Variants in TRPM3 observed in about 807,000 individuals in gnomAD.
TRPM3 encodes long transient receptor potential channel 3.
Under a neutral mutation model 181.2 loss-of-function variants are expected in TRPM3, and 77 were observed. The ratio of observed to expected loss-of-function variants is 0.42; its 90% CI spans 0.35 to 0.51. The LOEUF is 0.51. Among genes scored for constraint, TRPM3 ranks in the 20% least tolerant of loss-of-function variants. TRPM3 has a pLI of 0.01. For missense variants in TRPM3, 1,759 were observed against 2,196.7 expected, an observed-to-expected ratio of 0.80 and a Z score of 3.98; for synonymous variants, 745 against 796.4, an observed-to-expected ratio of 0.94 and a Z score of 1.09.
At chr9:70,994,203 T>C (rs1554793467) in intron 1 of TRPM3, among the ~76,000 whole-genome samples, 1 of 152,188 alleles carries the variant, frequency 6.6e-6, no homozygotes, top group Non-Finnish European at 1.5e-5. Flanking sequence ...CAAACTTCAC[T>C]GATAAAATAA....
At chr9:71,067,672 G>A (rs2062111078) in intron 1 of TRPM3, among the ~76,000 whole-genome samples, 1 of 152,200 alleles carries the variant, frequency 6.6e-6, no homozygotes, top group Admixed American at 6.5e-5. Context: ...ACTTAGGACA[G>A]TGGTTAGCAT....
chr9:70,687,694 T>C (rs1159629828), intron 8 of TRPM3, among the ~76,000 whole-genome samples: 1 of 152,234 alleles, frequency 6.6e-6, no homozygotes, highest in Non-Finnish European at 1.5e-5. Context: ...TCCCCTTTTC[T>C]CCATCCCACC....
chr9:70,950,176 T>C (rs1395629597), intron 1 of TRPM3, among the ~76,000 whole-genome samples: 1 of 152,200 alleles, frequency 6.6e-6, no homozygotes, highest in African/African-American at 2.4e-5. Context: ...CTGCCTTATT[T>C]AACAATTTAG....
chr9:70,842,428 A>G (rs1167722966), intron 5 of TRPM3, among the ~76,000 whole-genome samples: 1 of 152,200 alleles, frequency 6.6e-6, no homozygotes, highest in Non-Finnish European at 1.5e-5. Context: ...GGATTAAAAT[A>G]AGATGGTTGC....
intron 1 of TRPM3, among the ~76,000 whole-genome samples, chr9:70,868,159 T>C (rs2095694614): frequency 6.6e-6 from 1 of 152,026 alleles, no homozygotes; most frequent in Admixed American, 6.6e-5. Flanking sequence ...CTCTGTATAT[T>C]CTTTTCTAAA....
intron 1 of TRPM3, among the ~76,000 whole-genome samples, chr9:70,900,713 A>G (rs2096372501): frequency 6.6e-6 from 1 of 152,146 alleles, no homozygotes; most frequent in Non-Finnish European, 1.5e-5. Context: ...CAACCTGACT[A>G]TAAGACAGCA....
chr9:70,772,474 A>C (rs2080498688), intron 7 of TRPM3, among the ~76,000 whole-genome samples: 1 of 151,908 alleles, frequency 6.6e-6, no homozygotes, highest in African/African-American at 2.4e-5. Context: ...CTGAGATGCC[A>C]CCACACCTGG....
chr9:71,305,784 T>G (rs2087241560), intron 1 of TRPM3, among the ~76,000 whole-genome samples: 1 of 152,156 alleles, frequency 6.6e-6, no homozygotes, highest in Non-Finnish European at 1.5e-5. Context: ...AGTATTGACT[T>G]GCTTTCTCTT....
Position 71,263,067 on chromosome 9 carries a change from A to C in TRPM3, c.183+183586T>G, listed in dbSNP as rs200583900. Among the ~76,000 whole-genome samples, 5 of 152,312 alleles carry C rather than the reference A, an allele frequency of 3.3e-5. No homozygotes were observed. The East Asian group carries it at 5.8e-4, about 18-fold the overall frequency. On this transcript the variant is annotated intron_variant, in intron 1 of 24. Transcript: ENST00000357533. ...CAAACATGACGATGGCTTTAAGGCA[A>C]ATTGGAAAAACTAAAAATAACTAAT...
rs2040591058 is a variant in TRPM3, at chr9:70,529,601, G to A, written c.*6352C>T. The A allele has an allele frequency of 6.6e-6, 1 of 152,152 alleles. No individual in the cohort carries two copies. Among genetic ancestry groups the A allele is most frequent in the Admixed American group, 6.5e-5 (1 of 15,272 alleles). The allele number at this position is 152,152 out of a possible 1,614,324, so 9.4% of individuals were successfully genotyped here. ...TGAATCTCTCTCACAAAGACTCTGT[G>A]TTCAAGTTTAGAATTATGTGGCTAA... On this transcript the variant is annotated 3_prime_UTR_variant, in exon 26 of 26. Transcript: ENST00000677713.
intron 22 of TRPM3, among the ~76,000 whole-genome samples, chr9:70,556,615 G>T (rs1040267121): frequency 2.0e-5 from 3 of 152,120 alleles, no homozygotes; most frequent in African/African-American, 7.2e-5. Context: ...ACAGCTACTT[G>T]GGAGGCTGAG....
At chr9:70,805,451 G>A (rs954198157) in intron 6 of TRPM3, among the ~76,000 whole-genome samples, 1 of 150,080 alleles carries the variant, frequency 6.7e-6, no homozygotes, top group Non-Finnish European at 1.5e-5. Flanking sequence ...GGAGAATGGC[G>A]TGAACCCGGG....
At chr9:70,738,831 T>G (rs1413094388) in intron 8 of TRPM3, among the ~76,000 whole-genome samples, 1 of 152,096 alleles carries the variant, frequency 6.6e-6, no homozygotes, top group Non-Finnish European at 1.5e-5. Flanking sequence ...AAAAGATCAT[T>G]CAAGGCTACA....
intron 1 of TRPM3, among the ~76,000 whole-genome samples, chr9:71,164,184 C>T (rs1172335066): frequency 6.6e-6 from 1 of 152,188 alleles, no homozygotes; most frequent in African/African-American, 2.4e-5. Flanking sequence ...GGCTGGACAA[C>T]CACTTCATTT....
intron 6 of TRPM3, among the ~76,000 whole-genome samples, chr9:70,800,093 T>C (rs188968475): frequency 1.3e-5 from 2 of 152,344 alleles, no homozygotes; most frequent in East Asian, 3.9e-4. Context: ...ATGAACTATT[T>C]TTTTCAAGTA....
chr9:70,769,106 T>C (rs1425371067), intron 7 of TRPM3, among the ~76,000 whole-genome samples: 1 of 152,170 alleles, frequency 6.6e-6, no homozygotes, highest in East Asian at 1.9e-4. Context: ...AGAGCAGACA[T>C]GATTCTATTG....
chr9:71,065,811 A>T (rs1176200782), intron 1 of TRPM3, among the ~76,000 whole-genome samples: 1 of 152,178 alleles, frequency 6.6e-6, no homozygotes, highest in Admixed American at 6.5e-5. Context: ...ACACTTTCTT[A>T]TCAGCTTTCT....
intron 1 of TRPM3, among the ~76,000 whole-genome samples, chr9:71,015,120 C>G (rs1240782192): frequency 6.6e-6 from 1 of 152,158 alleles, no homozygotes; most frequent in Non-Finnish European, 1.5e-5. Context: ...GATGGGCTCA[C>G]TCTCCTGTTG....
At chr9:70,797,158 A>C (rs973738666) in intron 6 of TRPM3, among the ~76,000 whole-genome samples, 16 of 152,074 alleles carry the variant, frequency 1.1e-4, no homozygotes, top group Non-Finnish European at 2.2e-4. Flanking sequence ...AGATAGGTTA[A>C]ATGACAACGT....
Sources: gnomAD v4.1 joint callset for allele counts (sites outside exome capture counted in the v4.1 genomes callset) on GRCh38, gnomAD v4.1.1 for gene constraint, MANE v1.5 for transcripts, NCBI Gene and HGNC (gene_info 2026-07-23, HGNC 2026-07-21) for gene names.